Variants in CCDC198 observed in about 807,000 individuals in gnomAD.
CCDC198 encodes coiled-coil domain containing 198, also known as factor associated with metabolism and energy.
In CCDC198, 18 loss-of-function variants were observed where a neutral mutation model predicts 35.6. That is an observed-to-expected ratio of 0.51 (90% CI 0.35 to 0.75). The LOEUF (loss-of-function observed/expected upper bound fraction) is 0.75, where lower values mean the gene tolerates loss of function less well. Ranked by LOEUF, CCDC198 falls within the 30% of genes least tolerant of loss-of-function variation. CCDC198 has a pLI of 0.01. For synonymous variants in CCDC198, 119 were observed against 113.4 expected (o/e 1.05, Z -0.31); for missense variants, 365 against 343.7 (o/e 1.06, Z -0.49).
rs1424654469 is a variant in CCDC198 at position 57,491,547 on chromosome 14, G to A, written c.224-476C>T. 2.0e-5 allele frequency among the ~76,000 whole-genome samples: 3 copies of A among 152,050 alleles called. 1 individual carries two copies. In the South Asian group the frequency reaches 6.2e-4, roughly 31 times the overall value. On this transcript the variant is annotated intron_variant, in intron 1 of 5. Transcript: ENST00000216445. ...TATACAGAGATGAGAAAGAAATGGA[G>A]TACGTGTGAACACAATTCAATAGCC...
Position 57,482,612 on chromosome 14 carries a change from T to A in CCDC198, c.393+453A>T, listed in dbSNP as rs114063717. ...GCAGGGAAAAGATACACAGAAGACA[T>A]TTCCCAGGATTAATTTTTGGTGAGG... On this transcript the variant is annotated intron_variant, in intron 3 of 5. Transcript: ENST00000216445. Among the ~76,000 whole-genome samples the A allele has an allele frequency of 5.5e-3, 832 of 152,246 alleles. 8 individuals carry two copies. The highest frequency in any genetic ancestry group is 0.019 in the African/African-American group (790 of 41,556).
intron 2 of CCDC198, among the ~76,000 whole-genome samples, chr14:57,484,538 A>C (rs767331216): frequency 1.3e-5 from 2 of 152,202 alleles, no homozygotes; most frequent in Non-Finnish European, 2.9e-5. Flanking sequence ...GCAGTTCAAG[A>C]AAGTGCCTTA....
chr14:57,475,324 C>T (rs1011503236), intron 5 of CCDC198: 1 of 934,220 alleles, frequency 1.1e-6, no homozygotes, highest in Non-Finnish European at 1.3e-6. Flanking sequence ...TAAAATAAAA[C>T]AAGATTCTTT....
At chr14:57,489,486 T>A (rs915690024) in intron 2 of CCDC198, among the ~76,000 whole-genome samples, 20 of 152,112 alleles carry the variant, frequency 1.3e-4, no homozygotes, top group Admixed American at 1.3e-3. Flanking sequence ...TTTACTTTTA[T>A]AACAAACCTA....
chr14:57,480,767 A>G lies in CCDC198; in HGVS notation c.496-13T>C, dbSNP rs1351007875. The G allele has an allele frequency of 2.5e-6, 4 of 1,613,204 alleles. No individual in the cohort carries two copies. The highest frequency in any genetic ancestry group is 2.5e-6 in the Non-Finnish European group (3 of 1,179,628). ...ACTCCATTTGGGCCTGAAAATCATC[A>G]ACTATAAATGATCAATGTTCTTCCC... is the stretch of plus-strand genomic sequence containing the variant. On this transcript the variant is annotated splice_polypyrimidine_tract_variant and intron_variant, in intron 4 of 5. Coordinates refer to ENST00000216445, the MANE Select transcript of CCDC198 (RefSeq NM_018168.4).
chr14:57,491,218 A>G, intron 1 of CCDC198, 147 bp from the exon 2 acceptor site: 1 of 750,304 alleles, frequency 1.3e-6, no homozygotes, highest in Non-Finnish European at 2.1e-6. Flanking sequence ...TGTGGAGATG[A>G]AACACAGAAA....
chr14:57,478,463 C>A, intron 5 of CCDC198: 1 of 986,106 alleles, frequency 1.0e-6, no homozygotes, highest in Non-Finnish European at 1.2e-6. Context: ...CTCAACAAAC[C>A]TTAGCTTGAA....
intron 2 of CCDC198, among the ~76,000 whole-genome samples, chr14:57,488,320 T>C (rs1301354865): frequency 6.6e-5 from 10 of 152,186 alleles, no homozygotes; most frequent in African/African-American, 2.4e-4. Flanking sequence ...AACATTCCTA[T>C]ATCCTTTGAT....
chr14:57,489,664 T>C (rs1296070360), intron 2 of CCDC198, among the ~76,000 whole-genome samples: 1 of 152,152 alleles, frequency 6.6e-6, no homozygotes, highest in African/African-American at 2.4e-5. Flanking sequence ...ACCAATGTTC[T>C]CTTTTTGACC....
intron 2 of CCDC198, among the ~76,000 whole-genome samples, chr14:57,484,917 T>C (rs771831223): frequency 6.6e-6 from 1 of 152,116 alleles, no homozygotes; most frequent in South Asian, 2.1e-4. Flanking sequence ...AGGACAAAGA[T>C]GATGGGCTGG....
At position 57,481,624 on chromosome 14, in the gene CCDC198, T is replaced by C. The variant is rs765934485; in HGVS notation, c.430A>G (p.Thr144Ala). ...TGCAAATATTGTCTGTTCTCAGAAG[T>C]ATACATTGGAGTTTGCATTTTCTTT... is the stretch of plus-strand genomic sequence containing the variant. Reference protein sequence around the residue: ...LEKKMQTPMYTSENRQYLHKM... With the variant: ...LEKKMQTPMYASENRQYLHKM... The change falls in exon 4 of 6, where the codon ACT (threonine) becomes GCT (alanine). Residue 144 changes from threonine (T) to alanine (A), a missense_variant. Transcript: ENST00000216445. 1.9e-6 allele frequency: 3 copies of C among 1,612,128 alleles called. No individual in the cohort carries two copies. Among genetic ancestry groups the C allele is most frequent in the East Asian group, 2.2e-5 (1 of 44,826 alleles).
chr14:57,476,933 G>A (rs139305924), intron 5 of CCDC198, among the ~76,000 whole-genome samples: 2 of 152,318 alleles, frequency 1.3e-5, no homozygotes, highest in East Asian at 1.9e-4. Flanking sequence ...AGGAATCATC[G>A]CTAGGACAAA....
chr14:57,488,844 G>A (rs562680964), intron 2 of CCDC198, among the ~76,000 whole-genome samples: 2 of 152,208 alleles, frequency 1.3e-5, no homozygotes, highest in African/African-American at 4.8e-5. Context: ...ACACCAATCA[G>A]AATGGCTATA....
At chr14:57,487,343 A>T (rs185943811) in intron 2 of CCDC198, among the ~76,000 whole-genome samples, 1 of 152,296 alleles carries the variant, frequency 6.6e-6, no homozygotes, top group East Asian at 1.9e-4. Context: ...CAGGGGACTC[A>T]AGAGTGCTGA....
rs971924640 is a variant in CCDC198 at position 57,471,065 on chromosome 14, G to A, written c.*290C>T. On this transcript the variant is annotated 3_prime_UTR_variant, in exon 6 of 6. Coordinates refer to ENST00000216445, the MANE Select transcript of CCDC198 (RefSeq NM_018168.4). ...GTAGTCCAATTTCAATGACATGAAA[G>A]ATTTCAAAAGGGAACAGCAGAAGAA... 3 of 296,028 alleles carry A rather than the reference G, an allele frequency of 1.0e-5. No homozygotes were observed. The highest frequency in any genetic ancestry group is 6.5e-5 in the African/African-American group (3 of 46,214). The allele number at this position is 296,028 out of a possible 1,614,324, so 18.3% of individuals were successfully genotyped here. A position where few individuals can be genotyped will look rare whatever the true frequency, so the allele number is the denominator to read the frequency against.
intron 5 of CCDC198, among the ~76,000 whole-genome samples, chr14:57,478,176 C>G (rs887601817): frequency 6.6e-6 from 1 of 152,168 alleles, no homozygotes; most frequent in African/African-American, 2.4e-5. Flanking sequence ...CTTTAACTTT[C>G]CTTTCAGAAG....
intron 2 of CCDC198, 153 bp from the exon 3 acceptor site, chr14:57,483,304 T>C (rs2067249193): frequency 1.0e-5 from 12 of 1,160,342 alleles, no homozygotes; most frequent in Non-Finnish European, 1.4e-5. Context: ...ATTACAGTTA[T>C]ATTGGTACAA....
At chr14:57,479,763 AC>A (rs2067120817) in intron 5 of CCDC198, among the ~76,000 whole-genome samples, 1 of 152,248 alleles carries the variant, frequency 6.6e-6, no homozygotes, top group African/African-American at 2.4e-5. Flanking sequence ...ACTGGGCATA[AC>A]CCCTGCAGTT....
intron 5 of CCDC198, chr14:57,475,700 T>A: frequency 2.5e-6 from 1 of 398,226 alleles, no homozygotes; most frequent in Non-Finnish European, 4.9e-6. Context: ...GGAGCGAAAC[T>A]CTGTCTTAAA....
Sources: gnomAD v4.1 joint callset for allele counts (sites outside exome capture counted in the v4.1 genomes callset) on GRCh38, gnomAD v4.1.1 for gene constraint, MANE v1.5 for transcripts, NCBI Gene and HGNC (gene_info 2026-07-23, HGNC 2026-07-21) for gene names.